Variants in ZNF148 observed in about 807,000 individuals in gnomAD.
ZNF148 encodes Beta-Enolase Repressor Factor-1.
Under a neutral mutation model 67.7 loss-of-function variants are expected in ZNF148, and 7 were observed. The ratio of observed to expected loss-of-function variants is 0.10; its 90% CI spans 0.06 to 0.19. ZNF148 has a LOEUF of 0.19. Ranked by LOEUF, ZNF148 falls within the 10% of genes least tolerant of loss-of-function variation. ZNF148 has a pLI of 1.00. For missense variants in ZNF148, 583 were observed against 947.1 expected (o/e 0.62, Z 5.05); for synonymous variants, 333 against 330.7 (o/e 1.01, Z -0.08).
At chr3:125,361,736 G>A (rs1434564689) in intron 1 of ZNF148, among the ~76,000 whole-genome samples, 1 of 152,014 alleles carries the variant, frequency 6.6e-6, no homozygotes, top group Non-Finnish European at 1.5e-5. Context: ...GGGTGGTTGA[G>A]GCAGGAGAAT....
chr3:125,324,214 C>T (rs1322532908), intron 2 of ZNF148, among the ~76,000 whole-genome samples: 1 of 151,974 alleles, frequency 6.6e-6, no homozygotes, highest in Non-Finnish European at 1.5e-5. Flanking sequence ...TACTTACAAA[C>T]AGTAATCATA....
rs1212603444 is a variant in ZNF148 at position 125,232,274 on chromosome 3, C to T, written c.*67G>A. 5.3e-6 allele frequency: 8 copies of T among 1,497,944 alleles called. No homozygotes were observed. The highest frequency in any genetic ancestry group is 6.2e-6 in the Non-Finnish European group (7 of 1,123,938). 92.8% of individuals were successfully genotyped at this position (1,497,944 alleles called of 1,614,324 possible). On this transcript the variant is annotated 3_prime_UTR_variant, in exon 9 of 9. Coordinates refer to ENST00000360647, the MANE Select transcript of ZNF148 (RefSeq NM_021964.3). The surrounding 1 kb of genome is among the most constrained non-coding windows in gnomAD (Gnocchi z 4.2). ...AAATCTGTACAGCACTCCATTTACACAGAGTAACCCCACTCTTGATTAATC... is the reference window on the plus strand; with the variant it reads ...AAATCTGTACAGCACTCCATTTACATAGAGTAACCCCACTCTTGATTAATC...
At chr3:125,261,679 TAC>T (rs1373788450) in intron 7 of ZNF148, among the ~76,000 whole-genome samples, 1 of 151,936 alleles carries the variant, frequency 6.6e-6, no homozygotes, top group African/African-American at 2.4e-5. Context: ...AATAAGAAAC[TAC>T]AGTCACAGGA....
chr3:125,312,512 T>C (rs1940270272), intron 4 of ZNF148, among the ~76,000 whole-genome samples: 1 of 152,192 alleles, frequency 6.6e-6, no homozygotes, highest in African/African-American at 2.4e-5. Context: ...CACAAGTCCC[T>C]ATCACAGGGA....
intron 3 of ZNF148, among the ~76,000 whole-genome samples, chr3:125,318,734 TCCTTCCTCTGCACTGCAAGTTAC>T (rs1481825178): frequency 2.6e-5 from 4 of 152,024 alleles, no homozygotes; most frequent in Non-Finnish European, 5.9e-5. Flanking sequence ...TGAGAGGCAA[TCCTTCCTCTGCACTGCAAGTTAC>T]CCAGAGCAGA....
chr3:125,310,361 G>C (rs529118619), intron 4 of ZNF148, among the ~76,000 whole-genome samples: 1 of 152,106 alleles, frequency 6.6e-6, no homozygotes, highest in East Asian at 1.9e-4. Context: ...TTATAGGCGT[G>C]AGGCACCACA....
intron 6 of ZNF148, among the ~76,000 whole-genome samples, chr3:125,278,263 A>G (rs1938181005): frequency 6.6e-6 from 1 of 152,006 alleles, no homozygotes; most frequent in Non-Finnish European, 1.5e-5. Flanking sequence ...CCCTTTTTTA[A>G]AAGATCCTGT....
intron 1 of ZNF148, chr3:125,344,626 A>C (rs879678420): frequency 7.2e-5 from 52 of 720,152 alleles, no homozygotes; most frequent in Non-Finnish European, 1.1e-4. Context: ...ACCATCTTTT[A>C]GCATCTTACA....
At position 125,330,034 on chromosome 3, in the gene ZNF148, T is replaced by C. The variant is rs141795696; in HGVS notation, c.-153+1124A>G. 2.0e-3 allele frequency among the ~76,000 whole-genome samples: 307 copies of C among 152,292 alleles called. 2 individuals are homozygous for C. The highest frequency in any genetic ancestry group is 7.0e-3 in the African/African-American group (291 of 41,554). The stretch of plus-strand genomic sequence containing the variant: ...TATAACATTCTCTATTGCCTAAGTG[T>C]ATACACCTATTATAATAAACGTGGG... On this transcript the variant is annotated intron_variant, in intron 2 of 8. Coordinates refer to ENST00000360647, the MANE Select transcript of ZNF148 (RefSeq NM_021964.3).
In ZNF148 at chr3:125,310,200, C is replaced by T. The variant is rs142263199; in HGVS notation, c.333+3108G>A. On this transcript the variant is annotated intron_variant, in intron 4 of 8. Transcript: ENST00000360647. ...GTTCAAGTGATTCTTATGCCTCAGC[C>T]TCCCACATAGCTGGGATTACAGGTG... Among the ~76,000 whole-genome samples the T allele has an allele frequency of 5.5e-3, 841 of 151,936 alleles. 7 individuals carry two copies. Among genetic ancestry groups the T allele is most frequent in the African/African-American group, 0.019 (795 of 41,388 alleles).
rs1943029673 is a variant in ZNF148, at chr3:125,375,202, C to T, written c.-334G>A. On this transcript the variant is annotated 5_prime_UTR_variant, in exon 1 of 9. Coordinates refer to ENST00000360647, the MANE Select transcript of ZNF148 (RefSeq NM_021964.3). ...GAGGGGAAGGGGGGAGGGGGGAGAACTTTTGCTGTGGCAGCTTCGGCAACA... is the reference window on the plus strand; with the variant it reads ...GAGGGGAAGGGGGGAGGGGGGAGAATTTTTGCTGTGGCAGCTTCGGCAACA... 6.6e-6 allele frequency: 1 copy of T among 152,668 alleles called. No individual in the cohort carries two copies. The highest frequency in any genetic ancestry group is 2.4e-5 in the African/African-American group (1 of 41,434). The allele number at this position is 152,668 out of a possible 1,614,324, so 9.5% of individuals were successfully genotyped here.
chr3:125,301,284 G>C (rs1357863312), intron 4 of ZNF148, among the ~76,000 whole-genome samples: 1 of 152,206 alleles, frequency 6.6e-6, no homozygotes, highest in African/African-American at 2.4e-5. Context: ...TTTGAGGCCA[G>C]GAGTTTGAGA....
chr3:125,373,119 TG>T (rs1942944334), intron 1 of ZNF148, among the ~76,000 whole-genome samples: 1 of 151,734 alleles, frequency 6.6e-6, no homozygotes, highest in Non-Finnish European at 1.5e-5. Flanking sequence ...CATGCCATGA[TG>T]ACAATAAAAT....
Position 125,232,321 on chromosome 3 carries a change from T to C in ZNF148, c.*20A>G, listed in dbSNP as rs1030858433. On this transcript the variant is annotated 3_prime_UTR_variant, in exon 9 of 9. Coordinates refer to ENST00000360647, the MANE Select transcript of ZNF148 (RefSeq NM_021964.3). This position sits in a 1 kb window ranked among gnomAD's most constrained non-coding sequence, Gnocchi z 4.2. ...AATCTGTTCTAAAGTGCCAGTATTA[T>C]TTACACTTTTTTTTTTTTTTTAGCC... 6 of 1,546,732 alleles carry C rather than the reference T, an allele frequency of 3.9e-6. No individual in the cohort carries two copies. The highest frequency in any genetic ancestry group is 5.2e-6 in the Non-Finnish European group (6 of 1,154,324).
chr3:125,336,045 A>G (rs1405122854), intron 1 of ZNF148, among the ~76,000 whole-genome samples: 1 of 152,234 alleles, frequency 6.6e-6, no homozygotes, highest in East Asian at 1.9e-4. Context: ...ATCCTTTGAA[A>G]AGCCATTCAT....
At chr3:125,250,716 G>A (rs2107546898) in intron 7 of ZNF148, among the ~76,000 whole-genome samples, 2 of 152,174 alleles carry the variant, frequency 1.3e-5, no homozygotes, top group Non-Finnish European at 2.9e-5. Flanking sequence ...GTTTGTTTTT[G>A]TTTTTTGCAT....
chr3:125,252,196 C>T (rs1012169866), intron 7 of ZNF148, among the ~76,000 whole-genome samples: 1 of 152,106 alleles, frequency 6.6e-6, no homozygotes, highest in Non-Finnish European at 1.5e-5. Context: ...TTTTCACCTT[C>T]TTGATGGTGT....
chr3:125,342,008 G>GCGA (rs538254071), intron 1 of ZNF148, among the ~76,000 whole-genome samples: 1 of 142,378 alleles, frequency 7.0e-6, no homozygotes, highest in Non-Finnish European at 1.5e-5. Flanking sequence ...GCGGGGGGGG[G>GCGA]AATGGAAATC....
At chr3:125,256,805 T>C (rs769618460) in intron 7 of ZNF148, among the ~76,000 whole-genome samples, 15 of 152,198 alleles carry the variant, frequency 9.9e-5, no homozygotes, top group Non-Finnish European at 1.6e-4. Flanking sequence ...CCAGTAAAGA[T>C]TGTGTCCCAT....
Sources: gnomAD v4.1 joint callset for allele counts (sites outside exome capture counted in the v4.1 genomes callset) on GRCh38, gnomAD v4.1.1 for gene constraint, Gnocchi (gnomAD v3.1) non-coding constraint, MANE v1.5 for transcripts, NCBI Gene and HGNC (gene_info 2026-07-23, HGNC 2026-07-21) for gene names.